NOS1: variants seen among roughly 807,000 people sequenced by gnomAD.
NOS1 encodes the protein NOS type I.
NOS1 carries 51 observed loss-of-function variants against 164.5 expected under a neutral mutation model. The observed-to-expected ratio is 0.31, with a 90% confidence interval of 0.25 to 0.39. The LOEUF (loss-of-function observed/expected upper bound fraction) is 0.39. Among genes scored for constraint, NOS1 ranks in the 10% least tolerant of loss-of-function variants. NOS1 has a pLI of 1.00. For synonymous variants in NOS1, 719 were observed against 745.8 expected, an observed-to-expected ratio of 0.96 and a Z score of 0.59; for missense variants, 1,362 against 1,885.6, an observed-to-expected ratio of 0.72 and a Z score of 5.14.
intron 2 of NOS1, 93 bp from the exon 3 acceptor site, chr12:117,311,685 C>T (rs1874442017): frequency 1.5e-6 from 2 of 1,355,282 alleles, no homozygotes; most frequent in Admixed American, 4.6e-5. Flanking sequence ...TACAGAACCT[C>T]AGTAGCTCAC....
rs990422663 is a variant in NOS1 at position 117,209,398 on chromosome 12, G to A, written c.*5911C>T. The A allele has an allele frequency of 4.1e-6, 4 of 985,302 alleles. No individual in the cohort carries two copies. In the South Asian group the frequency reaches 1.4e-4, roughly 35 times the overall value. The allele number at this position is 985,302 out of a possible 1,614,324, so 61.0% of individuals were successfully genotyped here. A position where few individuals can be genotyped will look rare whatever the true frequency, so the allele number is the denominator to read the frequency against. ...AGCCCCAAATGCCAATAGTGCTAAGGTTGACAGACCCTGCGCTACAGTCTC... is the reference window on the plus strand; with the variant it reads ...AGCCCCAAATGCCAATAGTGCTAAGATTGACAGACCCTGCGCTACAGTCTC... On this transcript the variant is annotated 3_prime_UTR_variant, in exon 29 of 29. Transcript: ENST00000317775.
At chr12:117,215,434 C>CT in intron 28 of NOS1, 110 bp from the exon 29 acceptor site, 28 of 1,180,232 alleles carry the variant, frequency 2.4e-5, no homozygotes, top group Admixed American at 1.6e-4. Flanking sequence ...GGCTTTGTCT[C>CT]TTTCTTTTTT....
At chr12:117,251,647 T>C (rs1871110035) in intron 17 of NOS1, among the ~76,000 whole-genome samples, 1 of 150,992 alleles carries the variant, frequency 6.6e-6, no homozygotes, top group Admixed American at 6.6e-5. Context: ...CCCAGGCTGG[T>C]CTTAAACTCC....
rs1165468116 is a variant in NOS1 at position 117,211,662 on chromosome 12, C to T, written c.*3647G>A. The T allele has an allele frequency of 3.0e-6, 3 of 985,404 alleles. No individual in the cohort carries two copies. Among genetic ancestry groups the T allele is most frequent in the Non-Finnish European group, 3.6e-6 (3 of 830,022 alleles). The allele number at this position is 985,404 out of a possible 1,614,324, so 61.0% of individuals were successfully genotyped here. ...TGTCCGTGCCTTTCCTCTCACTCTTCCCAATTCCTGGACAACTCTTACCTT... is the reference window on the plus strand; with the variant it reads ...TGTCCGTGCCTTTCCTCTCACTCTTTCCAATTCCTGGACAACTCTTACCTT... On this transcript the variant is annotated 3_prime_UTR_variant, in exon 29 of 29. Coordinates refer to ENST00000317775, the MANE Select transcript of NOS1 (RefSeq NM_000620.5).
intron 8 of NOS1, 50 bp from the exon 9 acceptor site, chr12:117,278,148 A>C: frequency 6.4e-7 from 1 of 1,557,964 alleles, no homozygotes; most frequent in South Asian, 1.2e-5. Flanking sequence ...CACCCTACAA[A>C]CACAACCCTT....
At chr12:117,295,977 A>G (rs1198145497) in intron 3 of NOS1, among the ~76,000 whole-genome samples, 1 of 151,534 alleles carries the variant, frequency 6.6e-6, no homozygotes, top group African/African-American at 2.4e-5. Flanking sequence ...TCTGCCCCCA[A>G]TCACCCTTAC....
At chr12:117,312,791 C>T (rs1874496747) in intron 2 of NOS1, among the ~76,000 whole-genome samples, 1 of 152,072 alleles carries the variant, frequency 6.6e-6, no homozygotes, top group Non-Finnish European at 1.5e-5. Flanking sequence ...TGCTCAAGGT[C>T]ACACAGTGGC....
intron 14 of NOS1, 81 bp downstream of exon 14, chr12:117,260,384 T>A: frequency 6.5e-7 from 1 of 1,532,686 alleles, no homozygotes; most frequent in East Asian, 2.3e-5. Context: ...AAAGGCTTCT[T>A]CTCTGTTGAC....
chr12:117,210,988 G>T lies in NOS1; in HGVS notation c.*4321C>A, dbSNP rs1003438403. Reference sequence around the variant, plus strand: ...TTATTTTTTTTGAGATAAGAGTCTTGCTCTGTCACCCAGGCTGGAGTGCAG... The same window carrying T: ...TTATTTTTTTTGAGATAAGAGTCTTTCTCTGTCACCCAGGCTGGAGTGCAG... On this transcript the variant is annotated 3_prime_UTR_variant, in exon 29 of 29. Coordinates refer to ENST00000317775, the MANE Select transcript of NOS1 (RefSeq NM_000620.5). 3.8e-5 allele frequency: 35 copies of T among 927,192 alleles called. No individual in the cohort carries two copies. Among genetic ancestry groups the T allele is most frequent in the African/African-American group, 1.1e-4 (6 of 55,842 alleles). 57.4% of individuals were successfully genotyped at this position (927,192 alleles called of 1,614,324 possible).
intron 1 of NOS1, among the ~76,000 whole-genome samples, chr12:117,354,567 C>A (rs750347594): frequency 6.6e-6 from 1 of 152,114 alleles, no homozygotes; most frequent in Non-Finnish European, 1.5e-5. Context: ...CAGTTGCTAT[C>A]GAGTACTATT....
chr12:117,312,905 G>C (rs816297), intron 2 of NOS1, among the ~76,000 whole-genome samples: 91,496 of 151,708 alleles, frequency 0.6, 29,074 homozygotes, highest in African/African-American at 0.8. Context: ...TCTTTATCAC[G>C]ACCACTACCA....
chr12:117,275,931 A>G (rs1873142171), intron 9 of NOS1, among the ~76,000 whole-genome samples: 1 of 152,102 alleles, frequency 6.6e-6, no homozygotes, highest in Admixed American at 6.6e-5. Context: ...TTTACTCTCA[A>G]AGGGCAAATG....
chr12:117,311,697 C>T, intron 2 of NOS1, 105 bp from the exon 3 acceptor site: 3 of 1,249,008 alleles, frequency 2.4e-6, no homozygotes, highest in Non-Finnish European at 3.3e-6. Context: ...GTAGCTCACT[C>T]ACATAACTCC....
intron 2 of NOS1, among the ~76,000 whole-genome samples, chr12:117,322,417 C>T (rs1875009549): frequency 7.0e-6 from 1 of 143,020 alleles, no homozygotes; most frequent in Admixed American, 7.0e-5. Context: ...TCCTTCCTTC[C>T]CTCCTCCCTT....
chr12:117,337,663 T>C (rs1488147927), intron 1 of NOS1, among the ~76,000 whole-genome samples: 1 of 152,136 alleles, frequency 6.6e-6, no homozygotes, highest in African/African-American at 2.4e-5. Flanking sequence ...CTTTTGAAAC[T>C]GACCTCTGGG....
intron 7 of NOS1, among the ~76,000 whole-genome samples, chr12:117,284,426 T>C (rs1441905945): frequency 5.3e-5 from 8 of 152,184 alleles, no homozygotes; most frequent in Admixed American, 5.2e-4. Flanking sequence ...GGCTTTGTTC[T>C]TTGTATTGGT....
At position 117,331,286 on chromosome 12, in the gene NOS1, T is replaced by A. The variant is rs1875535253; in HGVS notation, c.-217A>T. 1.7e-6 allele frequency: 1 copy of A among 576,126 alleles called. No individual in the cohort carries two copies. Among genetic ancestry groups the A allele is most frequent in the Non-Finnish European group, 3.1e-6 (1 of 326,424 alleles). The allele number at this position is 576,126 out of a possible 1,614,324, so 35.7% of individuals were successfully genotyped here. ...GGTGGCATGATTTCCTGCATCCGCCTCTCTCCTTATTCTCTAAGGAAGTGA... is the reference window on the plus strand; with the variant it reads ...GGTGGCATGATTTCCTGCATCCGCCACTCTCCTTATTCTCTAAGGAAGTGA... On this transcript the variant is annotated 5_prime_UTR_variant, in exon 2 of 29. Transcript: ENST00000317775.
In NOS1 at chr12:117,243,160, T is replaced by C; in HGVS notation, c.2962+137A>G. ...TACTGAGTGTGGGAGAGCAGCAAAG[T>C]ATTCATTTTGGTAGGACTGCACTAA... On this transcript the variant is annotated intron_variant, in intron 19 of 28. Coordinates refer to ENST00000317775, the MANE Select transcript of NOS1 (RefSeq NM_000620.5). This position sits in a 1 kb window ranked among gnomAD's most constrained non-coding sequence, Gnocchi z 4.3. The C allele has an allele frequency of 1.0e-6, 1 of 989,464 alleles. No individual in the cohort carries two copies. Among genetic ancestry groups the C allele is most frequent in the Non-Finnish European group, 1.5e-6 (1 of 668,310 alleles). The allele number at this position is 989,464 out of a possible 1,614,324, so 61.3% of individuals were successfully genotyped here.
At position 117,257,004 on chromosome 12, in the gene NOS1, G is replaced by A. The variant is rs542999981; in HGVS notation, c.2531+1393C>T. On this transcript the variant is annotated intron_variant, in intron 16 of 28. Coordinates refer to ENST00000317775, the MANE Select transcript of NOS1 (RefSeq NM_000620.5). ...GCAGAGTCGCTTGAACCCAGGAGGC[G>A]GAGGTTGCAGTGAGCTGAGATCGTG... 2.6e-5 allele frequency among the ~76,000 whole-genome samples: 4 copies of A among 152,242 alleles called. No homozygotes were observed. The South Asian group carries it at 8.3e-4, about 32-fold the overall frequency.
Sources: gnomAD v4.1 joint callset for allele counts (sites outside exome capture counted in the v4.1 genomes callset) on GRCh38, gnomAD v4.1.1 for gene constraint, Gnocchi (gnomAD v3.1) non-coding constraint, MANE v1.5 for transcripts, NCBI Gene and HGNC (gene_info 2026-07-23, HGNC 2026-07-21) for gene names.